Variants in CRTC1 observed in about 807,000 individuals in gnomAD.
CRTC1 encodes the protein CREB-regulated transcription coactivator 1.
Under a neutral mutation model 66.1 loss-of-function variants are expected in CRTC1, and 18 were observed. That is an observed-to-expected ratio of 0.27 (90% CI 0.19 to 0.40). The LOEUF (loss-of-function observed/expected upper bound fraction) is 0.40, where lower values mean the gene tolerates loss of function less well. Among genes scored for constraint, CRTC1 ranks in the 10% least tolerant of loss-of-function variants. The pLI is 1.00. For synonymous variants in CRTC1, 416 were observed against 398.8 expected, an observed-to-expected ratio of 1.04 and a Z score of -0.51; for missense variants, 669 against 887.9, an observed-to-expected ratio of 0.75 and a Z score of 3.13.
chr19:18,773,918 G>A (rs1303876946), intron 11 of CRTC1, among the ~76,000 whole-genome samples: 1 of 152,174 alleles, frequency 6.6e-6, no homozygotes, highest in Admixed American at 6.5e-5. Context: ...GGAACAAAGG[G>A]GATCTCTCTA....
At chr19:18,693,737 C>T (rs1006326371) in intron 1 of CRTC1, among the ~76,000 whole-genome samples, 1 of 151,524 alleles carries the variant, frequency 6.6e-6, no homozygotes, top group African/African-American at 2.4e-5. Flanking sequence ...GCCTTGGCCT[C>T]CCAAAGTGCT....
intron 2 of CRTC1, among the ~76,000 whole-genome samples, chr19:18,744,328 A>G (rs537391002): frequency 2.0e-5 from 3 of 152,088 alleles, no homozygotes; most frequent in African/African-American, 7.2e-5. Flanking sequence ...CCGCACCCCC[A>G]TCTCGGGAAG....
intron 1 of CRTC1, among the ~76,000 whole-genome samples, chr19:18,730,604 T>G (rs956802721): frequency 1.3e-5 from 2 of 152,114 alleles, no homozygotes; most frequent in African/African-American, 4.8e-5. Flanking sequence ...TGGCCTGGTC[T>G]CTGCTCCCTG....
chr19:18,723,374 C>T (rs2145638027), intron 1 of CRTC1, among the ~76,000 whole-genome samples: 1 of 152,342 alleles, frequency 6.6e-6, no homozygotes, highest in African/African-American at 2.4e-5. Flanking sequence ...TCTCCAATCT[C>T]CCCATGGGGA....
chr19:18,690,485 C>T (rs1459696053), intron 1 of CRTC1, among the ~76,000 whole-genome samples: 13 of 152,194 alleles, frequency 8.5e-5, no homozygotes, highest in Non-Finnish European at 1.9e-4. Context: ...CTGCCCTCAT[C>T]CTCATCACTC....
chr19:18,691,628 G>A (rs1251067551), intron 1 of CRTC1, among the ~76,000 whole-genome samples: 1 of 151,944 alleles, frequency 6.6e-6, no homozygotes, highest in Non-Finnish European at 1.5e-5. Flanking sequence ...ACAAGTCAAG[G>A]AATGCCCAGA....
intron 1 of CRTC1, among the ~76,000 whole-genome samples, chr19:18,701,410 T>C (rs1600780927): frequency 6.6e-6 from 1 of 152,250 alleles, no homozygotes; most frequent in Non-Finnish European, 1.5e-5. Flanking sequence ...GGTGCACACC[T>C]TGAAAGATGC....
At chr19:18,699,540 T>G (rs1012819054) in intron 1 of CRTC1, among the ~76,000 whole-genome samples, 2 of 152,106 alleles carry the variant, frequency 1.3e-5, no homozygotes, top group African/African-American at 4.8e-5. Flanking sequence ...GATAGGAAAG[T>G]CCATTCCTCG....
chr19:18,690,239 T>C (rs918331261), intron 1 of CRTC1, among the ~76,000 whole-genome samples: 1 of 152,062 alleles, frequency 6.6e-6, no homozygotes, highest in Admixed American at 6.6e-5. Flanking sequence ...CGGTCAGGGC[T>C]GAAGGAGGGC....
chr19:18,777,973 A>G lies in CRTC1; in HGVS notation c.*591A>G, dbSNP rs923151329. 1.6e-5 allele frequency: 4 copies of G among 242,958 alleles called. No homozygotes were observed. Among genetic ancestry groups the G allele is most frequent in the African/African-American group, 4.4e-5 (2 of 45,322 alleles). The allele number at this position is 242,958 out of a possible 1,614,324, so 15.1% of individuals were successfully genotyped here. ...ACGGCTGTCTTTTATATTTCTGAGC[A>G]CACACAGAGCCCTGGCGTCCACCGG... On this transcript the variant is annotated 3_prime_UTR_variant, in exon 14 of 14. Transcript: ENST00000321949. The surrounding 1 kb of genome is among the most constrained non-coding windows in gnomAD (Gnocchi z 5.5).
rs183257924 is a variant in CRTC1, at chr19:18,736,617, G to A, written c.127-6293G>A. Among the ~76,000 whole-genome samples the A allele has an allele frequency of 2.8e-3, 427 of 152,164 alleles. 7 individuals carry two copies. The highest frequency in any genetic ancestry group is 9.6e-3 in the African/African-American group (398 of 41,416). On this transcript the variant is annotated intron_variant, in intron 1 of 13. Coordinates refer to ENST00000321949, the MANE Select transcript of CRTC1 (RefSeq NM_015321.3). ...CAGGCAGCACCCGTGCAAAGGCCCG[G>A]AGGTAGCGACTGGTGGCTCCGGGAG... is the stretch of plus-strand genomic sequence containing the variant.
chr19:18,771,015 T>G lies in CRTC1; in HGVS notation c.1321-427T>G, dbSNP rs1457688886. Among the ~76,000 whole-genome samples the G allele has an allele frequency of 1.3e-5, 2 of 151,782 alleles. No homozygotes were observed. Among genetic ancestry groups the G allele is most frequent in the Non-Finnish European group, 2.9e-5 (2 of 67,938 alleles). On this transcript the variant is annotated intron_variant, in intron 10 of 13. Coordinates refer to ENST00000321949, the MANE Select transcript of CRTC1 (RefSeq NM_015321.3). The surrounding 1 kb of genome is among the most constrained non-coding windows in gnomAD (Gnocchi z 4.6). ...ATGCATGGGCATGTACATTCATGTGTGGATATGTGCACATGTGTGGGTGTG... is the reference window on the plus strand; with the variant it reads ...ATGCATGGGCATGTACATTCATGTGGGGATATGTGCACATGTGTGGGTGTG...
Position 18,726,933 on chromosome 19 carries a change from A to G in CRTC1, c.127-15977A>G, listed in dbSNP as rs1473002910. On this transcript the variant is annotated intron_variant, in intron 1 of 13. Transcript: ENST00000321949. ...AGAGAAAGACTCCGTCTTGGGGAAAAAAAAAAAAAAAAAAAAAAAGAAGGC... is the reference window on the plus strand; with the variant it reads ...AGAGAAAGACTCCGTCTTGGGGAAAGAAAAAAAAAAAAAAAAAAAGAAGGC... Among the ~76,000 whole-genome samples, 654 of 148,290 alleles carry G rather than the reference A, an allele frequency of 4.4e-3. 5 individuals are homozygous for G. The highest frequency in any genetic ancestry group is 0.014 in the African/African-American group (557 of 39,502).
At chr19:18,759,818 G>A (rs968746897) in intron 7 of CRTC1, among the ~76,000 whole-genome samples, 190 bp from the exon 8 acceptor site, 6 of 151,936 alleles carry the variant, frequency 3.9e-5, no homozygotes, top group South Asian at 4.2e-4. Context: ...GCCCCCCACC[G>A]TCCTCACCGG....
At chr19:18,766,755 C>T (rs918514314) in intron 9 of CRTC1, among the ~76,000 whole-genome samples, 9 of 152,200 alleles carry the variant, frequency 5.9e-5, no homozygotes, top group South Asian at 2.1e-4. Context: ...CCTTGTAATC[C>T]TTTTTATTTA....
At chr19:18,737,562 A>C (rs2054024419) in intron 1 of CRTC1, among the ~76,000 whole-genome samples, 1 of 152,098 alleles carries the variant, frequency 6.6e-6, no homozygotes, top group Non-Finnish European at 1.5e-5. Flanking sequence ...TAGAGGGGTG[A>C]ATCATGTCCC....
At chr19:18,757,935 G>A (rs987982513) in intron 6 of CRTC1, among the ~76,000 whole-genome samples, 4 of 151,868 alleles carry the variant, frequency 2.6e-5, no homozygotes, top group Non-Finnish European at 5.9e-5. Context: ...GGAGAAAGGC[G>A]TGAACCTGGG....
chr19:18,712,469 A>C (rs1332384461), intron 1 of CRTC1, among the ~76,000 whole-genome samples: 1 of 150,854 alleles, frequency 6.6e-6, no homozygotes, highest in Non-Finnish European at 1.5e-5. Flanking sequence ...CATGTTGGCC[A>C]GGCTGGTCTA....
At chr19:18,744,509 C>CAT (rs983077785) in intron 2 of CRTC1, among the ~76,000 whole-genome samples, 1 of 152,088 alleles carries the variant, frequency 6.6e-6, no homozygotes, top group Non-Finnish European at 1.5e-5. Context: ...CACACACACA[C>CAT]ACATACACAC....
Sources: gnomAD v4.1 joint callset for allele counts (sites outside exome capture counted in the v4.1 genomes callset) on GRCh38, gnomAD v4.1.1 for gene constraint, Gnocchi (gnomAD v3.1) non-coding constraint, MANE v1.5 for transcripts, NCBI Gene and HGNC (gene_info 2026-07-23, HGNC 2026-07-21) for gene names.